AKAP3: variants seen among roughly 807,000 people sequenced by gnomAD.
AKAP3 encodes A-kinase anchoring protein 3.
In AKAP3, 27 loss-of-function variants were observed where a neutral mutation model predicts 57.2. That is an observed-to-expected ratio of 0.47 (90% CI 0.35 to 0.65). The LOEUF (loss-of-function observed/expected upper bound fraction) is 0.65. AKAP3 is among the 30% of genes least tolerant of loss of function. AKAP3 has a pLI of 0.01. For missense variants in AKAP3, 959 were observed against 1,040.0 expected (o/e 0.92, Z 1.07); for synonymous variants, 334 against 392.3 (o/e 0.85, Z 1.76).
In AKAP3 at chr12:4,615,887, T is replaced by C; in HGVS notation, c.2414A>G (p.Gln805Arg). The change falls in exon 6 of 6, where the codon CAG (glutamine) becomes CGG (arginine). Residue 805 changes from glutamine to arginine, a missense_variant. Transcript: ENST00000228850. ...DDEGIQEKLL[Q>R]LSAAAVDKGC... ...TTTGTCCACAGCAGCAGCTGAGAGC[T>C]GAAGTAGCTGTGAAAGGAAAGAAAA... 6.2e-7 allele frequency: 1 copy of C among 1,614,156 alleles called. No homozygotes were observed. Among genetic ancestry groups the C allele is most frequent in the Non-Finnish European group, 8.5e-7 (1 of 1,180,002 alleles).
Position 4,628,439 on chromosome 12 carries a change from C to T in AKAP3, c.463G>A (p.Val155Ile), listed in dbSNP as rs777915345. ...TTCCCCATGTACAATGACTGATAGA[C>T]ACATTTGTTTTCAGAGCCATCGATC... ...EKIDGSENKC[V>I]YQSLYMGNEP... The change falls in exon 5 of 6, where the codon GTC becomes ATC. Residue 155 changes from valine to isoleucine, a missense_variant. Physicochemically the swap from Val to Ile is conservative, Grantham distance 29 (BLOSUM62 3). Coordinates refer to ENST00000228850, the MANE Select transcript of AKAP3 (RefSeq NM_001278309.2). The T allele has an allele frequency of 2.5e-6, 4 of 1,614,186 alleles. No homozygotes were observed. The highest frequency in any genetic ancestry group is 3.4e-6 in the Non-Finnish European group (4 of 1,180,030).
intron 5 of AKAP3, among the ~76,000 whole-genome samples, chr12:4,616,143 A>ATCATAAAAGTCTCCATCATTG (rs1240212930): frequency 1.3e-5 from 2 of 152,210 alleles, no homozygotes; most frequent in Non-Finnish European, 2.9e-5. Flanking sequence ...TCACCCTAAT[A>ATCATAAAAGTCTCCATCATTG]TCATAAAAGT....
chr12:4,637,536 C>T lies in AKAP3; in HGVS notation c.96+565G>A, dbSNP rs530891674. Among the ~76,000 whole-genome samples the T allele has an allele frequency of 5.9e-5, 9 of 152,230 alleles. 1 individual carries two copies. The South Asian group carries it at 6.2e-4, about 11-fold the overall frequency. On this transcript the variant is annotated intron_variant, in intron 4 of 5. Coordinates refer to ENST00000228850, the MANE Select transcript of AKAP3 (RefSeq NM_001278309.2). ...TTTTATGCCTTTTAGTAGTTAACTA[C>T]GTTTTATTAATAAATAATTTTTAAA...
chr12:4,627,834 C>A lies in AKAP3; in HGVS notation c.1068G>T (p.Ser356=). Residue 356 remains serine (S), a synonymous_variant, in exon 5 of 6, where the codon TCG becomes TCT. Coordinates refer to ENST00000228850, the MANE Select transcript of AKAP3 (RefSeq NM_001278309.2). ...GTLMTDTQFV[S]AVKRTVFSHG... ...GAGAGAAGACAGTTCTTTTCACAGC[C>A]GAGACAAACTGTGTGTCAGTCATGA... The A allele has an allele frequency of 5.0e-6, 8 of 1,614,088 alleles. No homozygotes were observed. The highest frequency in any genetic ancestry group is 6.8e-6 in the Non-Finnish European group (8 of 1,180,016).
intron 1 of AKAP3, chr12:4,645,503 C>G (rs1290883369): frequency 6.6e-6 from 1 of 152,120 alleles, no homozygotes; most frequent in Non-Finnish European, 1.5e-5. Flanking sequence ...TCTATTTCTA[C>G]TATTATGCCA....
chr12:4,627,038 C>T lies in AKAP3; in HGVS notation c.1864G>A (p.Val622Ile). ...TCACACAACTTCCTATCTTCCTTAA[C>T]TGGCTGTTCCGGCACCTTGGGTTCA... ...SPEPKVPEQP[V>I]KEDRKLCERP... Residue 622 changes from valine to isoleucine, a missense_variant, in exon 5 of 6, where the codon GTT (valine) becomes ATT (isoleucine). By Grantham distance (29) the Val-to-Ile change is conservative. Transcript: ENST00000228850. 2 of 1,614,032 alleles carry T rather than the reference C, an allele frequency of 1.2e-6. No individual in the cohort carries two copies. Among genetic ancestry groups the T allele is most frequent in the Non-Finnish European group, 1.7e-6 (2 of 1,179,924 alleles).
intron 5 of AKAP3, among the ~76,000 whole-genome samples, chr12:4,617,569 A>G (rs899222898): frequency 1.3e-5 from 2 of 152,186 alleles, no homozygotes; most frequent in African/African-American, 2.4e-5. Flanking sequence ...CCTGGCCAAT[A>G]TGGCAAAACC....
chr12:4,623,849 T>C (rs995861277), intron 5 of AKAP3, among the ~76,000 whole-genome samples: 1 of 152,202 alleles, frequency 6.6e-6, no homozygotes, highest in Non-Finnish European at 1.5e-5. Flanking sequence ...CCCTTATTCC[T>C]AATAAGACAA....
At chr12:4,635,339 G>A in intron 4 of AKAP3, 1 of 528,352 alleles carries the variant, frequency 1.9e-6, no homozygotes, top group Non-Finnish European at 3.5e-6. Context: ...GCAAACTGGA[G>A]GTTGAGTTAC....
Position 4,627,129 on chromosome 12 carries a change from C to G in AKAP3, c.1773G>C (p.Arg591Ser). ...DQEQAEKKDL[R>S]SVFFNFIRNL... ...TCCGGATGAAATTAAAGAAAACACT[C>G]CTTAGGTCCTTCTTTTCTGCTTGTT... Residue 591 changes from arginine to serine, a missense_variant, in exon 5 of 6, where the codon AGG becomes AGC. Physicochemically the swap from Arg to Ser is moderately radical, Grantham distance 110. Transcript: ENST00000228850. 6.2e-7 allele frequency: 1 copy of G among 1,614,160 alleles called. No individual in the cohort carries two copies. The highest frequency in any genetic ancestry group is 8.5e-7 in the Non-Finnish European group (1 of 1,180,034).
At chr12:4,642,221 TTAAA>T (rs1355975078) in intron 2 of AKAP3, among the ~76,000 whole-genome samples, 2 of 152,358 alleles carry the variant, frequency 1.3e-5, no homozygotes, top group African/African-American at 2.4e-5. Flanking sequence ...CAATGATTTC[TTAAA>T]TGACTATTGT....
intron 5 of AKAP3, among the ~76,000 whole-genome samples, chr12:4,623,790 T>G (rs1047999606): frequency 2.0e-5 from 3 of 152,118 alleles, no homozygotes; most frequent in African/African-American, 4.8e-5. Context: ...TATGACAAAT[T>G]AATCCACAGA....
In AKAP3 at chr12:4,628,004, T is replaced by A; in HGVS notation, c.898A>T (p.Ile300Phe). 1.9e-6 allele frequency: 3 copies of A among 1,614,082 alleles called. No homozygotes were observed. The highest frequency in any genetic ancestry group is 2.5e-6 in the Non-Finnish European group (3 of 1,179,986). Residue 300 changes from isoleucine to phenylalanine, a missense_variant, in exon 5 of 6, where the codon ATC (isoleucine) becomes TTC (phenylalanine). Ile to Phe is a conservative substitution (Grantham distance 21). Coordinates refer to ENST00000228850, the MANE Select transcript of AKAP3 (RefSeq NM_001278309.2). ...ACTTGGATCTTCAGTGTCTTCATGA[T>A]GGAGACCATCATATCAGATACCACA... ...NSVVSDMMVS[I>F]MKTLKIQVKD...
rs1447508310 is a variant in AKAP3 at position 4,638,089 on chromosome 12, G to T, written c.96+12C>A. The T allele has an allele frequency of 6.3e-7, 1 of 1,590,994 alleles. No homozygotes were observed. The highest frequency in any genetic ancestry group is 1.3e-5 in the African/African-American group (1 of 74,348). ...TTCTTAACCTAGTGTTTATCAAGAG[G>T]TTGACCCTTACCATTTTCCAGTCCT... On this transcript the variant is annotated intron_variant, in intron 4 of 5. Coordinates refer to ENST00000228850, the MANE Select transcript of AKAP3 (RefSeq NM_001278309.2).
At position 4,626,941 on chromosome 12, in the gene AKAP3, G is replaced by C. The variant is rs1201809384; in HGVS notation, c.1961C>G (p.Thr654Ser). ...ATCTATCTGGCTGACAGCCATCTTG[G>C]TCAGCCCAGAAAGGGCACCAGGGGT... ...DETPGALSGLTKMAVSQIDGH... is the reference protein window; with the variant it reads ...DETPGALSGLSKMAVSQIDGH... Residue 654 changes from threonine (T) to serine (S), a missense_variant, in exon 5 of 6, where the codon ACC (threonine) becomes AGC (serine). Transcript: ENST00000228850. 10 of 1,613,926 alleles carry C rather than the reference G, an allele frequency of 6.2e-6. No individual in the cohort carries two copies. The highest frequency in any genetic ancestry group is 8.5e-6 in the Non-Finnish European group (10 of 1,180,026).
rs573609663 is a variant in AKAP3 at position 4,621,743 on chromosome 12, T to G, written c.2406+4753A>C. Among the ~76,000 whole-genome samples the G allele has an allele frequency of 4.6e-5, 7 of 152,246 alleles. No homozygotes were observed. The South Asian group carries it at 1.5e-3, about 32-fold the overall frequency. ...AGAGCATATCCCCATGACTAAGCAA[T>G]GCATGAGTGGACTAGAAAAAAACAT... On this transcript the variant is annotated intron_variant, in intron 5 of 5. Coordinates refer to ENST00000228850, the MANE Select transcript of AKAP3 (RefSeq NM_001278309.2).
At chr12:4,624,428 A>G (rs2137429348) in intron 5 of AKAP3, among the ~76,000 whole-genome samples, 1 of 151,582 alleles carries the variant, frequency 6.6e-6, no homozygotes, top group Middle Eastern at 3.4e-3. Context: ...AGGCAATGGG[A>G]TGGAGCACAC....
chr12:4,643,689 T>C (rs1255479111), intron 2 of AKAP3, among the ~76,000 whole-genome samples: 1 of 152,218 alleles, frequency 6.6e-6, no homozygotes, highest in Non-Finnish European at 1.5e-5. Flanking sequence ...AATGTCAATG[T>C]GATGATTACT....
At chr12:4,632,330 G>A (rs7295274) in intron 4 of AKAP3, among the ~76,000 whole-genome samples, 31,515 of 151,976 alleles carry the variant, frequency 0.21, 3,611 homozygotes, top group East Asian at 0.35. Flanking sequence ...ATGTGTAGTC[G>A]TGAGTTCTAC....
Sources: gnomAD v4.1 joint callset for allele counts (sites outside exome capture counted in the v4.1 genomes callset) on GRCh38, gnomAD v4.1.1 for gene constraint, MANE v1.5 for transcripts, NCBI Gene and HGNC (gene_info 2026-07-23, HGNC 2026-07-21) for gene names.